Variants in GABRR2 observed in about 807,000 individuals in gnomAD.
GABRR2 encodes gamma-aminobutyric acid type A receptor subunit rho2.
Under a neutral mutation model 47.0 loss-of-function variants are expected in GABRR2, and 36 were observed. That is an observed-to-expected ratio of 0.77 (90% CI 0.59 to 1.01). The LOEUF (loss-of-function observed/expected upper bound fraction) is 1.01. Ranked by LOEUF, GABRR2 falls within the 50% of genes least tolerant of loss-of-function variation. GABRR2 has a pLI of 0.00. For missense variants in GABRR2, 587 were observed against 594.6 expected (o/e 0.99, Z 0.13); for synonymous variants, 204 against 227.5 (o/e 0.90, Z 0.93).
In GABRR2 at chr6:89,263,470, C is replaced by T. The variant is rs569126820; in HGVS notation, c.1086+942G>A. 5.9e-4 allele frequency among the ~76,000 whole-genome samples: 90 copies of T among 152,144 alleles called. 2 individuals are homozygous for T. The South Asian group carries it at 0.015, about 26-fold the overall frequency. ...CCCAACCCCTGCCTTGTTCAAGGAT[C>T]GACTGTAGTATAATATAGTACAGTA... On this transcript the variant is annotated intron_variant, in intron 8 of 8. Transcript: ENST00000402938.
chr6:89,257,521 G>C lies in GABRR2; in HGVS notation c.*149C>G. On this transcript the variant is annotated 3_prime_UTR_variant, in exon 9 of 9. Coordinates refer to ENST00000402938, the MANE Select transcript of GABRR2 (RefSeq NM_002043.5). ...GGTCAGGGCAGCTGGAAGGCTCCTG[G>C]GCTTCTCTGAGAGATGAGTGCTGCT... 3.0e-6 allele frequency: 2 copies of C among 669,196 alleles called. No individual in the cohort carries two copies. Among genetic ancestry groups the C allele is most frequent in the Non-Finnish European group, 2.5e-6 (1 of 399,664 alleles). The allele number at this position is 669,196 out of a possible 1,614,324, so 41.5% of individuals were successfully genotyped here. A position where few individuals can be genotyped will look rare whatever the true frequency, so the allele number is the denominator to read the frequency against.
chr6:89,268,722 A>G (rs749474742), intron 4 of GABRR2, among the ~76,000 whole-genome samples: 1 of 151,900 alleles, frequency 6.6e-6, no homozygotes, highest in South Asian at 2.1e-4. Flanking sequence ...TTATCAATCA[A>G]CTAGAATCAC....
At chr6:89,261,030 C>T (rs964014831) in intron 8 of GABRR2, among the ~76,000 whole-genome samples, 1 of 152,186 alleles carries the variant, frequency 6.6e-6, no homozygotes, top group South Asian at 2.1e-4. Flanking sequence ...GGAGACTTAG[C>T]GGCCTGAGGC....
At chr6:89,293,298 CAG>C (rs1323906793) in intron 2 of GABRR2, among the ~76,000 whole-genome samples, 2 of 151,814 alleles carry the variant, frequency 1.3e-5, no homozygotes, top group Admixed American at 6.6e-5. Flanking sequence ...GAAGGGGTGA[CAG>C]AGAAATAGGG....
chr6:89,268,823 G>A (rs1027059359), intron 4 of GABRR2, among the ~76,000 whole-genome samples, 188 bp downstream of exon 4: 1 of 152,194 alleles, frequency 6.6e-6, no homozygotes, highest in African/African-American at 2.4e-5. Context: ...AAGACCCCCA[G>A]TGATGGGGAA....
intron 6 of GABRR2, among the ~76,000 whole-genome samples, chr6:89,267,132 TG>T: frequency 6.6e-6 from 1 of 152,044 alleles, no homozygotes; most frequent in African/African-American, 2.4e-5. Context: ...CCCGAGTAGC[TG>T]GGATTACAGG....
At chr6:89,300,165 G>A (rs1774641809) in intron 1 of GABRR2, among the ~76,000 whole-genome samples, 6 of 152,174 alleles carry the variant, frequency 3.9e-5, no homozygotes, top group Admixed American at 3.9e-4. Context: ...TTGGCTGCTA[G>A]CTAGACTAAT....
At chr6:89,265,084 A>G (rs1394220791) in intron 7 of GABRR2, among the ~76,000 whole-genome samples, 3 of 151,956 alleles carry the variant, frequency 2.0e-5, no homozygotes, top group East Asian at 1.9e-4. Flanking sequence ...TTAAACCCTC[A>G]CCTTTCTCAA....
rs1194192009 is a variant in GABRR2, at chr6:89,268,000, A to G, written c.595+14T>C. On this transcript the variant is annotated intron_variant, in intron 5 of 8. Coordinates refer to ENST00000402938, the MANE Select transcript of GABRR2 (RefSeq NM_002043.5). ...AGGAAAGAAAGTGAAGGAATTAGGA[A>G]TGCTGATACTTACAGCTCTCCAGCT... is the stretch of plus-strand genomic sequence containing the variant. The G allele has an allele frequency of 6.2e-7, 1 of 1,607,624 alleles. No individual in the cohort carries two copies. The highest frequency in any genetic ancestry group is 1.1e-5 in the South Asian group (1 of 90,416).
intron 2 of GABRR2, among the ~76,000 whole-genome samples, chr6:89,286,451 T>C (rs1400011119): frequency 6.6e-6 from 1 of 152,218 alleles, no homozygotes; most frequent in Non-Finnish European, 1.5e-5. Context: ...TGTGAGGTGA[T>C]ACATTTATAA....
At chr6:89,267,892 A>G (rs1773941228) in intron 5 of GABRR2, 73 bp from the exon 6 acceptor site, 4 of 1,593,348 alleles carry the variant, frequency 2.5e-6, no homozygotes, top group Non-Finnish European at 3.4e-6. Flanking sequence ...GGGAAATCCT[A>G]TGCCAGTCCA....
At chr6:89,300,212 T>C (rs1774642593) in intron 1 of GABRR2, among the ~76,000 whole-genome samples, 1 of 152,076 alleles carries the variant, frequency 6.6e-6, no homozygotes, top group Non-Finnish European at 1.5e-5. Context: ...TAAACACAAT[T>C]AGAAATGAGA....
intron 1 of GABRR2, among the ~76,000 whole-genome samples, chr6:89,314,564 T>C (rs1582470545): frequency 1.3e-5 from 2 of 152,178 alleles, no homozygotes; most frequent in African/African-American, 2.4e-5. Context: ...AACAGTAAAA[T>C]GAAACCCAAT....
At chr6:89,283,477 T>C (rs1774285420) in intron 2 of GABRR2, among the ~76,000 whole-genome samples, 1 of 152,130 alleles carries the variant, frequency 6.6e-6, no homozygotes, top group Non-Finnish European at 1.5e-5. Flanking sequence ...GTATATGAGC[T>C]GATAGATTCC....
chr6:89,303,665 A>C (rs948906498), intron 1 of GABRR2, among the ~76,000 whole-genome samples: 4 of 151,376 alleles, frequency 2.6e-5, no homozygotes, highest in Non-Finnish European at 5.9e-5. Context: ...AAAAAAAAAA[A>C]AAAACCCAAA....
chr6:89,260,585 G>A (rs774459262), intron 8 of GABRR2, among the ~76,000 whole-genome samples: 102 of 152,150 alleles, frequency 6.7e-4, no homozygotes, highest in Non-Finnish European at 2.9e-5. Context: ...ACCAGGGGTG[G>A]GCCTAACGGG....
At chr6:89,283,319 C>A (rs950345874) in intron 2 of GABRR2, among the ~76,000 whole-genome samples, 8 of 151,466 alleles carry the variant, frequency 5.3e-5, no homozygotes, top group African/African-American at 1.9e-4. Flanking sequence ...TAGAGATGTA[C>A]AAAATTTTAA....
intron 8 of GABRR2, among the ~76,000 whole-genome samples, chr6:89,261,099 A>T (rs1472034092): frequency 2.6e-5 from 4 of 152,226 alleles, no homozygotes; most frequent in Non-Finnish European, 5.9e-5. Flanking sequence ...GCTGGCAAAG[A>T]TCCAACATGA....
intron 1 of GABRR2, among the ~76,000 whole-genome samples, chr6:89,305,893 C>T (rs1562391458): frequency 6.6e-6 from 1 of 151,942 alleles, no homozygotes; most frequent in African/African-American, 2.4e-5. Context: ...ACAACAAACC[C>T]CTGTGACACA....
Sources: gnomAD v4.1 joint callset for allele counts (sites outside exome capture counted in the v4.1 genomes callset) on GRCh38, gnomAD v4.1.1 for gene constraint, MANE v1.5 for transcripts, NCBI Gene and HGNC (gene_info 2026-07-23, HGNC 2026-07-21) for gene names.